PTPRG: variants seen among roughly 807,000 people sequenced by gnomAD.
PTPRG encodes the protein receptor-type tyrosine-protein phosphatase gamma.
PTPRG carries 102 observed loss-of-function variants against 165.3 expected under a neutral mutation model. That is an observed-to-expected ratio of 0.62 (90% confidence interval 0.53 to 0.73). The LOEUF (loss-of-function observed/expected upper bound fraction) is 0.73, where lower values mean the gene tolerates loss of function less well. Among genes scored for constraint, PTPRG ranks in the 30% least tolerant of loss-of-function variants. PTPRG has a pLI of 0.00. For missense variants in PTPRG, 1,866 were observed against 1,861.4 expected, an observed-to-expected ratio of 1.00 and a Z score of -0.05; for synonymous variants, 675 against 669.5, an observed-to-expected ratio of 1.01 and a Z score of -0.13.
chr3:61,669,829 T>C (rs1221358503), intron 1 of PTPRG, among the ~76,000 whole-genome samples: 1 of 152,144 alleles, frequency 6.6e-6, no homozygotes, highest in African/African-American at 2.4e-5. Flanking sequence ...GTTGATGTGG[T>C]GACAGGGAGG....
intron 16 of PTPRG, among the ~76,000 whole-genome samples, chr3:62,259,435 A>C (rs1701628876): frequency 6.6e-6 from 1 of 152,142 alleles, no homozygotes; most frequent in African/African-American, 2.4e-5. Flanking sequence ...TCAATGTTTT[A>C]AGAAAGTTTA....
At position 62,293,369 on chromosome 3, in the gene PTPRG, C is replaced by CT. The variant is rs1002293174; in HGVS notation, c.*68dup. On this transcript the variant is annotated 3_prime_UTR_variant, in exon 30 of 30. Coordinates refer to ENST00000474889, the MANE Select transcript of PTPRG (RefSeq NM_002841.4). ...TGAAGACTGAGAACTTTTTTGAGGCCTTTTTTGCCAGACTCTAGGTTATAC... is the reference window on the plus strand; with the variant it reads ...TGAAGACTGAGAACTTTTTTGAGGCCTTTTTTTGCCAGACTCTAGGTTATAC... 8.3e-5 allele frequency: 116 copies of CT among 1,399,252 alleles called. No individual in the cohort carries two copies. Among genetic ancestry groups the CT allele is most frequent in the South Asian group, 3.1e-4 (18 of 58,700 alleles). The allele number at this position is 1,399,252 out of a possible 1,614,324, so 86.7% of individuals were successfully genotyped here.
At chr3:61,993,179 C>A (rs1164644314) in intron 3 of PTPRG, among the ~76,000 whole-genome samples, 1 of 151,020 alleles carries the variant, frequency 6.6e-6, no homozygotes, top group African/African-American at 2.4e-5. Flanking sequence ...AACCACCTGT[C>A]ACTGTACTAT....
chr3:61,682,233 G>T (rs904829006), intron 1 of PTPRG, among the ~76,000 whole-genome samples: 3 of 151,224 alleles, frequency 2.0e-5, no homozygotes, highest in Non-Finnish European at 4.4e-5. Context: ...CTATAAGTTA[G>T]ACCATATTAT....
chr3:61,570,243 G>A (rs921162509), intron 1 of PTPRG, among the ~76,000 whole-genome samples: 1 of 146,754 alleles, frequency 6.8e-6, no homozygotes, highest in Non-Finnish European at 1.5e-5. Context: ...TGCACACCTC[G>A]TACCCTCTAA....
At chr3:61,583,030 G>C (rs994843532) in intron 1 of PTPRG, among the ~76,000 whole-genome samples, 1 of 152,234 alleles carries the variant, frequency 6.6e-6, no homozygotes, top group African/African-American at 2.4e-5. Flanking sequence ...AAAGTGAACA[G>C]AGGCAATAAT....
At chr3:62,288,550 G>A (rs1032622473) in intron 28 of PTPRG, among the ~76,000 whole-genome samples, 1 of 151,950 alleles carries the variant, frequency 6.6e-6, no homozygotes, top group African/African-American at 2.4e-5. Flanking sequence ...GCAGGCGCCA[G>A]TAATCCCAGC....
chr3:62,169,889 G>A (rs1439461747), intron 8 of PTPRG, among the ~76,000 whole-genome samples: 1 of 152,126 alleles, frequency 6.6e-6, no homozygotes, highest in African/African-American at 2.4e-5. Context: ...TAGGAACAGG[G>A]GGAATGGGAT....
At chr3:62,284,045 T>A (rs946316114) in intron 28 of PTPRG, among the ~76,000 whole-genome samples, 3 of 152,070 alleles carry the variant, frequency 2.0e-5, no homozygotes, top group East Asian at 1.9e-4. Context: ...GGTATACAGT[T>A]ACAGCATAAA....
At chr3:62,102,328 G>T (rs769245585) in intron 5 of PTPRG, among the ~76,000 whole-genome samples, 1 of 152,110 alleles carries the variant, frequency 6.6e-6, no homozygotes, top group Non-Finnish European at 1.5e-5. Flanking sequence ...AGGCTGGAGT[G>T]CAGTGGCGCA....
chr3:62,214,767 T>C lies in PTPRG; in HGVS notation c.2156-4084T>C, dbSNP rs934244239. ...CCCAACAGTCCTATGAAGTAGGCTC[T>C]TTTCATCCCATTTGATAGATGAAGA... is the stretch of plus-strand genomic sequence containing the variant. On this transcript the variant is annotated intron_variant, in intron 12 of 29. Coordinates refer to ENST00000474889, the MANE Select transcript of PTPRG (RefSeq NM_002841.4). This position sits in a 1 kb window ranked among gnomAD's most constrained non-coding sequence, Gnocchi z 5.2. Among the ~76,000 whole-genome samples the C allele has an allele frequency of 1.3e-5, 2 of 152,202 alleles. No individual in the cohort carries two copies. The highest frequency in any genetic ancestry group is 2.9e-5 in the Non-Finnish European group (2 of 68,046).
intron 2 of PTPRG, among the ~76,000 whole-genome samples, chr3:61,978,978 T>G: frequency 6.6e-6 from 1 of 152,210 alleles, no homozygotes; most frequent in Non-Finnish European, 1.5e-5. Context: ...AGCCTCAGTT[T>G]CATTATCTGT....
At chr3:61,729,819 G>C (rs975571023) in intron 1 of PTPRG, among the ~76,000 whole-genome samples, 7 of 151,864 alleles carry the variant, frequency 4.6e-5, no homozygotes, top group Non-Finnish European at 8.8e-5. Flanking sequence ...AATGTACTCT[G>C]CTCATTAATG....
intron 2 of PTPRG, among the ~76,000 whole-genome samples, chr3:61,792,919 G>C (rs2034931528): frequency 1.3e-5 from 2 of 151,966 alleles, no homozygotes; most frequent in Non-Finnish European, 1.5e-5. Context: ...AGTGGAGTTG[G>C]GGTTTCACCA....
intron 2 of PTPRG, among the ~76,000 whole-genome samples, chr3:61,861,862 G>A (rs2037280488): frequency 1.3e-5 from 2 of 152,118 alleles, no homozygotes; most frequent in Admixed American, 6.5e-5. Context: ...CAATGGTGGC[G>A]AAATACTGCT....
intron 1 of PTPRG, among the ~76,000 whole-genome samples, chr3:61,692,216 T>G (rs1319065248): frequency 1.3e-5 from 2 of 152,256 alleles, no homozygotes; most frequent in African/African-American, 2.4e-5. Context: ...ATAGCATTCC[T>G]TTTGTTTGGA....
chr3:62,232,327 A>G (rs1454243033), intron 14 of PTPRG, among the ~76,000 whole-genome samples: 1 of 152,128 alleles, frequency 6.6e-6, no homozygotes, highest in East Asian at 1.9e-4. Context: ...GAAAGCAATA[A>G]CTGCTAACAC....
intron 2 of PTPRG, among the ~76,000 whole-genome samples, chr3:61,840,869 C>T (rs1265047534): frequency 6.7e-6 from 1 of 150,312 alleles, no homozygotes; most frequent in Admixed American, 6.7e-5. Flanking sequence ...CTGCAACCTC[C>T]ACCACCTGGG....
chr3:62,275,857 GT>G lies in PTPRG; in HGVS notation c.3466-10del. ...TATATCTTTGAATGAAGACTAAAAT[GT>G]TTTTTCTTTTTCAGCTGGTCACACA... is the stretch of plus-strand genomic sequence containing the variant. On this transcript the variant is annotated splice_polypyrimidine_tract_variant and intron_variant, in intron 23 of 29. Coordinates refer to ENST00000474889, the MANE Select transcript of PTPRG (RefSeq NM_002841.4). The G allele has an allele frequency of 6.3e-7, 1 of 1,575,582 alleles. No homozygotes were observed.
Sources: gnomAD v4.1 joint callset for allele counts (sites outside exome capture counted in the v4.1 genomes callset) on GRCh38, gnomAD v4.1.1 for gene constraint, Gnocchi (gnomAD v3.1) non-coding constraint, MANE v1.5 for transcripts, NCBI Gene and HGNC (gene_info 2026-07-23, HGNC 2026-07-21) for gene names.